FANCA: variants seen among roughly 807,000 people sequenced by gnomAD.
FANCA encodes the protein Fanconi anemia group A protein.
A neutral mutation model predicts 194.3 loss-of-function variants in FANCA; 236 were observed. That is an observed-to-expected ratio of 1.21 (90% CI 1.09 to 1.35). The LOEUF is 1.35. Ranked by LOEUF, FANCA falls within the 40% of genes most tolerant of loss-of-function variation. The pLI, the probability that FANCA is intolerant of heterozygous loss-of-function variation, is 0.00. For synonymous variants in FANCA, 1,014 were observed against 715.8 expected, an observed-to-expected ratio of 1.42 and a Z score of -6.65; for missense variants, 2,628 against 1,813.9, an observed-to-expected ratio of 1.45 and a Z score of -8.15.
At position 89,791,383 on chromosome 16, in the gene FANCA, C is replaced by T; in HGVS notation, c.1359+20G>A. ...TCTGGGAAGATCAGGTATTAGGTAGCCGATTGGCAGGTCACTTACCTTGAA... is the reference window on the plus strand; with the variant it reads ...TCTGGGAAGATCAGGTATTAGGTAGTCGATTGGCAGGTCACTTACCTTGAA... On this transcript the variant is annotated intron_variant, in intron 14 of 42. Coordinates refer to ENST00000389301, the MANE Select transcript of FANCA (RefSeq NM_000135.4). 1 of 1,612,904 alleles carries T rather than the reference C, an allele frequency of 6.2e-7. No homozygotes were observed. Among genetic ancestry groups the T allele is most frequent in the Non-Finnish European group, 8.5e-7 (1 of 1,179,520 alleles).
intron 36 of FANCA, among the ~76,000 whole-genome samples, chr16:89,744,001 A>G (rs533337018): frequency 4.0e-5 from 6 of 151,842 alleles, no homozygotes; most frequent in African/African-American, 1.4e-4. Flanking sequence ...GGGTTCAAGC[A>G]ATTCTCCTGC....
At chr16:89,775,699 A>C (rs1356438140) in intron 21 of FANCA, 43 bp downstream of exon 21, 1 of 1,530,992 alleles carries the variant, frequency 6.5e-7, no homozygotes, top group Non-Finnish European at 9.0e-7. Flanking sequence ...AGGAAAATGG[A>C]AAAGCACAAG....
intron 29 of FANCA, among the ~76,000 whole-genome samples, chr16:89,760,252 C>T (rs2038906912): frequency 6.6e-6 from 1 of 152,348 alleles, no homozygotes; most frequent in Non-Finnish European, 1.5e-5. Flanking sequence ...GTGAAGGAAG[C>T]GCCTGCAGAG....
In FANCA at chr16:89,749,896, C is replaced by A. The variant is rs1567603979; in HGVS notation, c.3073G>T (p.Val1025Leu). Reference sequence around the variant, plus strand: ...TCTTGCTGCAGCTCCAGGTCAGCTACCATCTCCTGAAAAAGAGCAGTATGC... The same window carrying A: ...TCTTGCTGCAGCTCCAGGTCAGCTAACATCTCCTGAAAAAGAGCAGTATGC... Reference protein sequence around the residue: ...EDIISRLQEMVADLELQQDLI... With the variant: ...EDIISRLQEMLADLELQQDLI... The change falls in exon 32 of 43, where the codon GTA becomes TTA. Residue 1025 changes from valine (V) to leucine (L), a missense_variant. By Grantham distance (32) the Val-to-Leu change is conservative. Transcript: ENST00000389301. The A allele has an allele frequency of 1.9e-6, 3 of 1,613,952 alleles. No individual in the cohort carries two copies. The highest frequency in any genetic ancestry group is 1.7e-4 in the Middle Eastern group (1 of 6,020).
intron 2 of FANCA, among the ~76,000 whole-genome samples, chr16:89,815,458 C>G (rs950036814): frequency 6.8e-6 from 1 of 147,212 alleles, no homozygotes; most frequent in Non-Finnish European, 1.5e-5. Context: ...CAGGTTCAAG[C>G]AATTCTCCTG....
chr16:89,771,644 G>A, intron 23 of FANCA, 34 bp downstream of exon 23: 1 of 1,612,378 alleles, frequency 6.2e-7, no homozygotes, highest in South Asian at 1.1e-5. Context: ...AAATGGTGAA[G>A]ACCCCCTGCT....
rs141889794 is a variant in FANCA, at chr16:89,799,289, G to C, written c.827-57C>G. 2.8e-4 allele frequency: 446 copies of C among 1,603,632 alleles called. 3 individuals are homozygous for C. The African/African-American group carries it at 4.7e-3, about 17-fold the overall frequency. Reference sequence around the variant, plus strand: ...GTCAGCACACGGCGGCAGCCCACCAGAAACAATCCCCAGGCGCTTTCAGAC... The same window carrying C: ...GTCAGCACACGGCGGCAGCCCACCACAAACAATCCCCAGGCGCTTTCAGAC... On this transcript the variant is annotated intron_variant, in intron 9 of 42. Transcript: ENST00000389301.
chr16:89,756,032 C>A (rs1259383137), intron 30 of FANCA, among the ~76,000 whole-genome samples: 1 of 152,078 alleles, frequency 6.6e-6, no homozygotes, highest in Non-Finnish European at 1.5e-5. Flanking sequence ...AACTGTAACA[C>A]AACAGTATTT....
At chr16:89,789,476 T>C (rs1337837478) in intron 14 of FANCA, among the ~76,000 whole-genome samples, 1 of 148,374 alleles carries the variant, frequency 6.7e-6, no homozygotes, top group Non-Finnish European at 1.5e-5. Flanking sequence ...AGTCTTGCTC[T>C]GTCTCCCAGG....
intron 7 of FANCA, 36 bp downstream of exon 7, chr16:89,805,244 T>G: frequency 6.5e-7 from 1 of 1,534,826 alleles, no homozygotes; most frequent in Non-Finnish European, 9.0e-7. Context: ...TCAAAATGAG[T>G]TTTACCCAAG....
intron 22 of FANCA, 63 bp downstream of exon 22, chr16:89,773,208 C>A: frequency 1.5e-6 from 2 of 1,313,308 alleles, no homozygotes; most frequent in South Asian, 1.3e-5. Flanking sequence ...AATGGCCCAG[C>A]CACAGAGCTC....
rs146185345 is a variant in FANCA, at chr16:89,757,536, C to G, written c.2981+1041G>C. On this transcript the variant is annotated intron_variant, in intron 30 of 42. Transcript: ENST00000389301. ...TTCTGTTGATATTAAACATCCCAAACAGGCAAATCCATGAACATAAAATGG... is the reference window on the plus strand; with the variant it reads ...TTCTGTTGATATTAAACATCCCAAAGAGGCAAATCCATGAACATAAAATGG... 4.7e-4 allele frequency among the ~76,000 whole-genome samples: 72 copies of G among 152,328 alleles called. No individual in the cohort carries two copies. In the East Asian group the frequency reaches 9.6e-3, roughly 20 times the overall value.
Position 89,766,118 on chromosome 16 carries a change from T to G in FANCA, c.2601+1023A>C, listed in dbSNP as rs2039119126. Among the ~76,000 whole-genome samples, 5 of 151,886 alleles carry G rather than the reference T, an allele frequency of 3.3e-5. No homozygotes were observed. In the South Asian group the frequency reaches 8.3e-4, roughly 25 times the overall value. Reference sequence around the variant, plus strand: ...TTCAAGCGATTCTCCTGCCTCAGCCTCCCAAGTAGCTGGGATTACAGGCGT... The same window carrying G: ...TTCAAGCGATTCTCCTGCCTCAGCCGCCCAAGTAGCTGGGATTACAGGCGT... On this transcript the variant is annotated intron_variant, in intron 27 of 42. Coordinates refer to ENST00000389301, the MANE Select transcript of FANCA (RefSeq NM_000135.4).
Position 89,771,811 on chromosome 16 carries a change from A to T in FANCA, c.2018T>A (p.Ile673Lys). 6.2e-7 allele frequency: 1 copy of T among 1,613,836 alleles called. No individual in the cohort carries two copies. Among genetic ancestry groups the T allele is most frequent in the African/African-American group, 1.3e-5 (1 of 75,036 alleles). ...AGAAATCACTGCCACCTGTGCCGAT[A>T]TAACTGCGAAGGAAGAAACTAGTTA... ...SMTDPSQRDV[I>K]SAQVAVISER... Residue 673 changes from isoleucine to lysine, a missense_variant, in exon 23 of 43, where the codon ATA (isoleucine) becomes AAA (lysine). Coordinates refer to ENST00000389301, the MANE Select transcript of FANCA (RefSeq NM_000135.4).
At chr16:89,807,952 G>A (rs1469017508) in intron 6 of FANCA, among the ~76,000 whole-genome samples, 3 of 152,110 alleles carry the variant, frequency 2.0e-5, no homozygotes, top group African/African-American at 7.2e-5. Flanking sequence ...CAGCGACTTG[G>A]GAGGCTGAGG....
intron 42 of FANCA, 47 bp downstream of exon 42, chr16:89,738,835 A>C (rs767757264): frequency 1.2e-6 from 2 of 1,614,142 alleles, no homozygotes; most frequent in Non-Finnish European, 1.7e-6. Flanking sequence ...GGCAGCTGTC[A>C]ATTCTCATGT....
At chr16:89,787,290 G>C (rs1057475634) in intron 14 of FANCA, among the ~76,000 whole-genome samples, 1 of 152,176 alleles carries the variant, frequency 6.6e-6, no homozygotes, top group Non-Finnish European at 1.5e-5. Flanking sequence ...TTGGGAGGCT[G>C]AGGCGGGCAG....
intron 20 of FANCA, 58 bp from the exon 21 acceptor site, chr16:89,775,873 T>G: frequency 9.4e-7 from 1 of 1,066,972 alleles, no homozygotes; most frequent in Non-Finnish European, 1.4e-6. Context: ...AATTCAAGAT[T>G]ACAATCCCCA....
intron 11 of FANCA, 91 bp from the exon 12 acceptor site, chr16:89,792,638 C>T: frequency 2.8e-6 from 3 of 1,076,766 alleles, no homozygotes; most frequent in Non-Finnish European, 4.2e-6. Flanking sequence ...GTCGGTGGGT[C>T]TCTCCCCGTG....
Sources: allele counts gnomAD v4.1 joint callset (sites outside exome capture counted in the v4.1 genomes callset), GRCh38; gene constraint gnomAD v4.1.1; transcripts MANE v1.5; gene names NCBI Gene and HGNC (gene_info 2026-07-23, HGNC 2026-07-21).